Variants in TENM4 observed in about 807,000 individuals in gnomAD.
TENM4 encodes teneurin-4.
TENM4 carries 82 observed loss-of-function variants against 243.3 expected under a neutral mutation model. The observed-to-expected ratio is 0.34, with a 90% CI of 0.28 to 0.40. The LOEUF is 0.40. Among genes scored for constraint, TENM4 ranks in the 10% least tolerant of loss-of-function variants. The pLI is 1.00. For synonymous variants in TENM4, 1,412 were observed against 1,456.3 expected (o/e 0.97, Z 0.69); for missense variants, 3,138 against 3,673.3 (o/e 0.85, Z 3.77).
intron 3 of TENM4, among the ~76,000 whole-genome samples, chr11:79,152,764 T>C (rs1245052428): frequency 6.6e-6 from 1 of 152,148 alleles, no homozygotes; most frequent in East Asian, 1.9e-4. Context: ...AGCTCTGGGC[T>C]CCCTGAAGCA....
At chr11:79,342,873 G>T (rs1205167140) in intron 1 of TENM4, among the ~76,000 whole-genome samples, 1 of 152,212 alleles carries the variant, frequency 6.6e-6, no homozygotes, top group Non-Finnish European at 1.5e-5. Flanking sequence ...TGCGTCCCTG[G>T]CGCCCTGCAG....
rs148351547 is a variant in TENM4, at chr11:78,728,170, A to C, written c.3406+1206T>G. ...TTGATCTACAGAAGGGATCATGAAC[A>C]GTGAGAGATGGCACCTTTGCTCCCA... On this transcript the variant is annotated intron_variant, in intron 22 of 33. Transcript: ENST00000278550. 7.6e-4 allele frequency among the ~76,000 whole-genome samples: 116 copies of C among 152,346 alleles called. 2 individuals carry two copies. The highest frequency in any genetic ancestry group is 2.7e-3 in the African/African-American group (113 of 41,582).
intron 2 of TENM4, among the ~76,000 whole-genome samples, chr11:79,217,309 C>T (rs1157647710): frequency 1.3e-5 from 2 of 152,084 alleles, no homozygotes; most frequent in African/African-American, 4.8e-5. Context: ...CTGCCCCATA[C>T]TGCCACACTC....
rs78791464 is a variant in TENM4, at chr11:79,029,749, C to T, written c.493+34989G>A. 3.0e-3 allele frequency among the ~76,000 whole-genome samples: 462 copies of T among 152,236 alleles called. 5 individuals carry two copies. The highest frequency in any genetic ancestry group is 0.017 in the Admixed American group (259 of 15,288). On this transcript the variant is annotated intron_variant, in intron 6 of 33. Transcript: ENST00000278550. ...AAAGAAACACGGGGAGGGCATAAAA[C>T]GGGACAAGAGTGACTTGGTATTTGT...
intron 2 of TENM4, among the ~76,000 whole-genome samples, chr11:79,292,469 G>A (rs1445002031): frequency 1.3e-5 from 2 of 152,180 alleles, no homozygotes; most frequent in Non-Finnish European, 2.9e-5. Flanking sequence ...AATTCTATCA[G>A]TGGCTTTTCA....
chr11:79,266,631 A>G (rs566153608), intron 2 of TENM4, among the ~76,000 whole-genome samples: 1 of 152,326 alleles, frequency 6.6e-6, no homozygotes, highest in Admixed American at 6.5e-5. Flanking sequence ...TACGCTGTGC[A>G]CTAAAGAGTT....
chr11:78,930,307 T>G (rs1044742463), intron 6 of TENM4, among the ~76,000 whole-genome samples: 1 of 152,164 alleles, frequency 6.6e-6, no homozygotes, highest in Non-Finnish European at 1.5e-5. Flanking sequence ...AAAGCTCTGT[T>G]TATGCCATTA....
In TENM4 at chr11:78,658,372, T is replaced by C. The variant is rs879153818; in HGVS notation, c.7996A>G (p.Ile2666Val). The C allele has an allele frequency of 6.2e-7, 1 of 1,614,040 alleles. No individual in the cohort carries two copies. Among genetic ancestry groups the C allele is most frequent in the Non-Finnish European group, 8.5e-7 (1 of 1,179,884 alleles). The change falls in exon 34 of 34, where the codon ATC (isoleucine) becomes GTC (valine). Residue 2666 changes from isoleucine (I) to valine (V), a missense_variant. Ile to Val is a conservative substitution (Grantham distance 29, BLOSUM62 3). Transcript: ENST00000278550. ...LNGRTRRYTD[I>V]QLQYGALCLN... ...CACAGTGCCCCGTACTGGAGCTGGA[T>C]GTCTGTGTAGCGTCTAGTCCTGCCA...
At chr11:79,288,941 G>A (rs981391893) in intron 2 of TENM4, among the ~76,000 whole-genome samples, 5 of 152,148 alleles carry the variant, frequency 3.3e-5, no homozygotes, top group African/African-American at 1.2e-4. Flanking sequence ...AGGGTAAGGG[G>A]AAAATAAGTC....
intron 3 of TENM4, among the ~76,000 whole-genome samples, chr11:79,215,068 G>A (rs1251313063): frequency 6.6e-6 from 1 of 152,134 alleles, no homozygotes; most frequent in Non-Finnish European, 1.5e-5. Context: ...TTCACAGTGG[G>A]CTTTCAATAA....
At chr11:78,951,194 G>A (rs1401826506) in intron 6 of TENM4, among the ~76,000 whole-genome samples, 1 of 152,226 alleles carries the variant, frequency 6.6e-6, no homozygotes, top group African/African-American at 2.4e-5. Context: ...CCCCCTGTCT[G>A]CGCAGAGGAC....
chr11:78,726,907 G>A (rs538144650), intron 22 of TENM4, among the ~76,000 whole-genome samples: 1 of 152,256 alleles, frequency 6.6e-6, no homozygotes, highest in African/African-American at 2.4e-5. Flanking sequence ...ATAACAACAC[G>A]AGAACGGACT....
intron 19 of TENM4, among the ~76,000 whole-genome samples, chr11:78,750,273 T>A (rs1856151767): frequency 6.6e-6 from 1 of 152,236 alleles, no homozygotes; most frequent in Non-Finnish European, 1.5e-5. Flanking sequence ...TATTTTCTAT[T>A]TCCTTCTACT....
Position 79,087,638 on chromosome 11 carries a change from G to A in TENM4, c.-65-17629C>T, listed in dbSNP as rs116323333. Among the ~76,000 whole-genome samples the A allele has an allele frequency of 3.3e-3, 496 of 152,340 alleles. 11 individuals are homozygous for A. The South Asian group carries it at 0.05, about 15-fold the overall frequency. ...GTCGCATGTTCCTTAGTGAGGGATC[G>A]AGGGATGTTAGCTCTGAGCTCTGCA... On this transcript the variant is annotated intron_variant, in intron 4 of 33. Transcript: ENST00000278550.
At chr11:78,889,119 C>T (rs1024774352) in intron 9 of TENM4, among the ~76,000 whole-genome samples, 4 of 152,226 alleles carry the variant, frequency 2.6e-5, no homozygotes, top group African/African-American at 9.6e-5. Context: ...CTCCTTATAT[C>T]TGTGTTTGCA....
At chr11:78,884,226 A>G (rs1410416902) in intron 9 of TENM4, among the ~76,000 whole-genome samples, 1 of 152,224 alleles carries the variant, frequency 6.6e-6, no homozygotes, top group Non-Finnish European at 1.5e-5. Context: ...TGGAAGCAGC[A>G]GTGCTGAGAT....
chr11:79,223,065 C>T (rs930380608), intron 2 of TENM4, among the ~76,000 whole-genome samples: 1 of 151,998 alleles, frequency 6.6e-6, no homozygotes, highest in East Asian at 1.9e-4. Context: ...TTGACAGGTG[C>T]AGCACACCGC....
intron 5 of TENM4, among the ~76,000 whole-genome samples, chr11:79,067,419 C>G (rs913710405): frequency 1.3e-5 from 2 of 152,200 alleles, no homozygotes; most frequent in African/African-American, 4.8e-5. Flanking sequence ...ACAGTTCTAT[C>G]TGTGCTCTGT....
At chr11:78,908,589 A>AC (rs1856115843) in intron 6 of TENM4, among the ~76,000 whole-genome samples, 2 of 152,224 alleles carry the variant, frequency 1.3e-5, no homozygotes, top group Non-Finnish European at 2.9e-5. Flanking sequence ...ACTCTGGACA[A>AC]CCTGCTGGCT....
Sources: allele counts gnomAD v4.1 joint callset (sites outside exome capture counted in the v4.1 genomes callset), GRCh38; gene constraint gnomAD v4.1.1; transcripts MANE v1.5; gene names NCBI Gene and HGNC (gene_info 2026-07-23, HGNC 2026-07-21).